AKAP6: variants seen among roughly 807,000 people sequenced by gnomAD.
The protein encoded by AKAP6 is A-kinase anchoring protein 6.
A neutral mutation model predicts 188.5 loss-of-function variants in AKAP6; 58 were observed. That is an observed-to-expected ratio of 0.31 (90% CI 0.25 to 0.38). The LOEUF is 0.38. AKAP6 is among the 10% of genes least tolerant of loss of function. The pLI, the probability that AKAP6 is intolerant of heterozygous loss-of-function variation, is 1.00. For missense variants in AKAP6, 2,710 were observed against 2,740.0 expected, an observed-to-expected ratio of 0.99 and a Z score of 0.24; for synonymous variants, 989 against 998.6, an observed-to-expected ratio of 0.99 and a Z score of 0.18.
At chr14:32,824,888 A>G (rs1442547334) in intron 13 of AKAP6, 73 bp downstream of exon 13, 1 of 1,270,936 alleles carries the variant, frequency 7.9e-7, no homozygotes, top group Non-Finnish European at 1.1e-6. Context: ...GGCAGGAGAA[A>G]AGGCTAGTCA....
chr14:32,353,550 GAC>G (rs1418762942), intron 1 of AKAP6, among the ~76,000 whole-genome samples: 1 of 152,166 alleles, frequency 6.6e-6, no homozygotes, highest in African/African-American at 2.4e-5. Context: ...GACAGAGCAA[GAC>G]ACAGAGATGC....
At chr14:32,458,917 T>C (rs1048595197) in intron 2 of AKAP6, among the ~76,000 whole-genome samples, 2 of 152,076 alleles carry the variant, frequency 1.3e-5, no homozygotes, top group African/African-American at 2.4e-5. Flanking sequence ...CAGATATTAG[T>C]TTAAGAAAAA....
chr14:32,775,825 T>C (rs556313538), intron 12 of AKAP6, among the ~76,000 whole-genome samples: 2 of 152,294 alleles, frequency 1.3e-5, no homozygotes, highest in East Asian at 3.9e-4. Context: ...TAGATACAAA[T>C]TCCAAACAGA....
At chr14:32,687,971 A>G (rs542952785) in intron 8 of AKAP6, among the ~76,000 whole-genome samples, 1 of 152,220 alleles carries the variant, frequency 6.6e-6, no homozygotes, top group Admixed American at 6.5e-5. Context: ...CGTTAAATCG[A>G]TTGTAGACCT....
intron 2 of AKAP6, among the ~76,000 whole-genome samples, chr14:32,478,920 CAAAG>C (rs2138890731): frequency 6.6e-6 from 1 of 152,016 alleles, no homozygotes; most frequent in East Asian, 1.9e-4. Flanking sequence ...TTAGTATCCA[CAAAG>C]AAAGAGATAG....
intron 8 of AKAP6, among the ~76,000 whole-genome samples, chr14:32,683,021 CCTTGCTCTGTCGCCCAGGCTG>C (rs1445386993): frequency 1.1e-4 from 10 of 93,820 alleles, no homozygotes; most frequent in Admixed American, 3.2e-4. Flanking sequence ...TGAGACAAAG[CCTTGCTCTGTCGCCCAGGCTG>C]GAGTGCAGTG....
intron 12 of AKAP6, among the ~76,000 whole-genome samples, chr14:32,777,463 T>C (rs1312643480): frequency 6.6e-6 from 1 of 152,028 alleles, no homozygotes; most frequent in Non-Finnish European, 1.5e-5. Context: ...CTGGAAAAAA[T>C]ATTGATCATA....
chr14:32,577,189 A>C lies in AKAP6; in HGVS notation c.2416A>C (p.Thr806Pro). The stretch of plus-strand genomic sequence containing the variant: ...AGCCATGGAAACTACAGAAAATTGG[A>C]CTCCCCCTAAAGCAGAGATGGATGA... ...NEAMETTENWTPPKAEMDDLK... is the reference protein window; with the variant it reads ...NEAMETTENWPPPKAEMDDLK... Residue 806 changes from threonine (T) to proline (P), a missense_variant, in exon 5 of 14, where the codon ACT (threonine) becomes CCT (proline). This residue lies in a region of AKAP6 where 2,473 missense variants were observed against 2,426.1 expected (regional missense o/e 1.02). Coordinates refer to ENST00000280979, the MANE Select transcript of AKAP6 (RefSeq NM_004274.5). 13 of 1,612,346 alleles carry C rather than the reference A, an allele frequency of 8.1e-6. No homozygotes were observed. The highest frequency in any genetic ancestry group is 1.1e-5 in the Non-Finnish European group (13 of 1,179,112).
intron 12 of AKAP6, among the ~76,000 whole-genome samples, chr14:32,774,510 TC>T (rs2032994577): frequency 6.6e-6 from 1 of 152,208 alleles, no homozygotes; most frequent in African/African-American, 2.4e-5. Flanking sequence ...GAGTAGAGAT[TC>T]CTTTTAAGGA....
intron 2 of AKAP6, among the ~76,000 whole-genome samples, chr14:32,492,359 G>GAT (rs1880075083): frequency 2.3e-5 from 1 of 44,428 alleles, no homozygotes; most frequent in Non-Finnish European, 6.7e-5. Flanking sequence ...TATATATAGA[G>GAT]AGAGAGAGAG....
chr14:32,461,577 C>A, intron 2 of AKAP6, among the ~76,000 whole-genome samples: 1 of 152,056 alleles, frequency 6.6e-6, no homozygotes, highest in East Asian at 1.9e-4. Flanking sequence ...ATCTAAAGGC[C>A]ATCAGCCTCA....
At position 32,823,546 on chromosome 14, in the gene AKAP6, T is replaced by C. The variant is rs2034589636; in HGVS notation, c.5733T>C (p.Asn1911=). 1.2e-6 allele frequency: 2 copies of C among 1,613,754 alleles called. No homozygotes were observed. The highest frequency in any genetic ancestry group is 2.2e-5 in the South Asian group (2 of 91,086). ...CAGAAAGGCAAAAGGGAAAACCGAA[T>C]GTGACTTCAAAGGTATCAGAAAATC... ...GIPERQKGKP[N]VTSKVSENLG... The change falls in exon 13 of 14, where the codon AAT becomes AAC. Residue 1911 remains asparagine, a synonymous_variant. Transcript: ENST00000280979.
intron 2 of AKAP6, among the ~76,000 whole-genome samples, chr14:32,443,122 G>A (rs559860759): frequency 6.6e-6 from 1 of 152,234 alleles, no homozygotes; most frequent in African/African-American, 2.4e-5. Flanking sequence ...CCGGCCAGGC[G>A]TGGTGTCTCA....
At chr14:32,603,681 G>C (rs996351310) in intron 7 of AKAP6, among the ~76,000 whole-genome samples, 1 of 152,148 alleles carries the variant, frequency 6.6e-6, no homozygotes, top group Admixed American at 6.5e-5. Context: ...AATGTCTGTT[G>C]CATTGTTACT....
chr14:32,658,528 T>G (rs1045739468), intron 7 of AKAP6, among the ~76,000 whole-genome samples: 12 of 152,118 alleles, frequency 7.9e-5, no homozygotes, highest in Non-Finnish European at 8.8e-5. Context: ...CTTTGCTAAT[T>G]AAAGTATGCA....
chr14:32,483,160 C>T (rs1331825052), intron 2 of AKAP6, among the ~76,000 whole-genome samples: 1 of 151,992 alleles, frequency 6.6e-6, no homozygotes, highest in African/African-American at 2.4e-5. Context: ...ATAGGTAAAA[C>T]ATGGTATTTC....
At chr14:32,372,770 CTGTGTGTGTGTGTGTG>C (rs3031400) in intron 1 of AKAP6, among the ~76,000 whole-genome samples, 7 of 147,486 alleles carry the variant, frequency 4.7e-5, no homozygotes, top group Admixed American at 2.7e-4. Flanking sequence ...TTTTGTTGCT[CTGTGTGTGTGTGTGTG>C]TGTGTGTGTG....
intron 7 of AKAP6, among the ~76,000 whole-genome samples, chr14:32,616,235 A>G (rs897713633): frequency 1.1e-4 from 17 of 152,208 alleles, no homozygotes; most frequent in African/African-American, 4.1e-4. Flanking sequence ...CATTCAACCC[A>G]GCAATCGCAT....
At chr14:32,786,309 T>G (rs867430962) in intron 12 of AKAP6, among the ~76,000 whole-genome samples, 19 of 93,708 alleles carry the variant, frequency 2.0e-4, no homozygotes, top group African/African-American at 4.6e-4. Flanking sequence ...TTTTTTTTTT[T>G]TTTTTTTTTT....
Sources: gnomAD v4.1 joint callset for allele counts (sites outside exome capture counted in the v4.1 genomes callset) on GRCh38, gnomAD v4.1.1 for gene constraint, gnomAD v4.1.1 regional missense constraint, MANE v1.5 for transcripts, NCBI Gene and HGNC (gene_info 2026-07-23, HGNC 2026-07-21) for gene names.